Variants in PAN3 observed in about 807,000 individuals in gnomAD.
PAN3 encodes the protein poly(A) specific ribonuclease subunit PAN3, also known as PAN2-PAN3 deadenylation complex subunit PAN3.
PAN3 carries 19 observed loss-of-function variants against 96.2 expected under a neutral mutation model. That is an observed-to-expected ratio of 0.20 (90% CI 0.14 to 0.29). The LOEUF is 0.29. Among genes scored for constraint, PAN3 ranks in the 10% least tolerant of loss-of-function variants. PAN3 has a pLI of 1.00. For synonymous variants in PAN3, 433 were observed against 406.6 expected, an observed-to-expected ratio of 1.06 and a Z score of -0.78; for missense variants, 882 against 1,108.1, an observed-to-expected ratio of 0.80 and a Z score of 2.90.
At chr13:28,173,642 T>C (rs113162618) in intron 1 of PAN3, among the ~76,000 whole-genome samples, 2 of 152,310 alleles carry the variant, frequency 1.3e-5, no homozygotes, top group African/African-American at 2.4e-5. Context: ...GCCCATCTTA[T>C]TGTTAAACTA....
intron 1 of PAN3, among the ~76,000 whole-genome samples, chr13:28,146,009 C>CCT (rs1870579689): frequency 2.0e-5 from 3 of 152,048 alleles, no homozygotes; most frequent in Admixed American, 1.3e-4. Context: ...TTCAAGGCTG[C>CCT]CTCAGCCTCC....
rs1369875564 is a variant in PAN3 at position 28,139,045 on chromosome 13, G to A, written c.388G>A (p.Gly130Arg). ...CCCGGGGACCGGAGCCGCAGCCGGC[G>A]GAGGAGGCAGTAGCGGGGGACTCGA... The part of the protein sequence containing the change: ...GDPGTGAAAG[G>R]GGSSGGLDGP... The change falls in exon 1 of 19, where the codon GGA (glycine) becomes AGA (arginine). Residue 130 changes from glycine (G) to arginine (R), a missense_variant. By Grantham distance (125) the Gly-to-Arg change is moderately radical. Coordinates refer to ENST00000380958, the MANE Select transcript of PAN3 (RefSeq NM_175854.8). The A allele has an allele frequency of 3.9e-6, 5 of 1,277,256 alleles. No homozygotes were observed. The highest frequency in any genetic ancestry group is 4.9e-6 in the Non-Finnish European group (5 of 1,012,922). 79.1% of individuals were successfully genotyped at this position (1,277,256 alleles called of 1,614,324 possible).
Position 28,257,899 on chromosome 13 carries a change from G to A in PAN3, c.1248+1360G>A, listed in dbSNP as rs542726735. 1.2e-3 allele frequency among the ~76,000 whole-genome samples: 188 copies of A among 150,850 alleles called. 2 individuals carry two copies. The highest frequency in any genetic ancestry group is 4.4e-3 in the African/African-American group (181 of 41,018). ...TCAGTCTTTGTTCACTGCAGCCTCC[G>A]CCTCCTGGGTTCAAGCATTCCTCTC... On this transcript the variant is annotated intron_variant, in intron 7 of 18. Coordinates refer to ENST00000380958, the MANE Select transcript of PAN3 (RefSeq NM_175854.8).
In PAN3 at chr13:28,293,974, A is replaced by G. The variant is rs996971997; in HGVS notation, c.*1452A>G. On this transcript the variant is annotated 3_prime_UTR_variant, in exon 19 of 19. Coordinates refer to ENST00000380958, the MANE Select transcript of PAN3 (RefSeq NM_175854.8). ...CTTGCAACTGATGTTACTGTCTTCA[A>G]TTTTAATAATTACACATATTTGTAT... is the stretch of plus-strand genomic sequence containing the variant. 5 of 152,656 alleles carry G rather than the reference A, an allele frequency of 3.3e-5. No homozygotes were observed. The highest frequency in any genetic ancestry group is 6.5e-5 in the Admixed American group (1 of 15,282). The allele number at this position is 152,656 out of a possible 1,614,324, so 9.5% of individuals were successfully genotyped here.
Position 28,235,453 on chromosome 13 carries a change from C to G in PAN3, c.1000+15075C>G, listed in dbSNP as rs1181135122. 3.3e-5 allele frequency among the ~76,000 whole-genome samples: 5 copies of G among 152,198 alleles called. No individual in the cohort carries two copies. The East Asian group carries it at 9.7e-4, about 29-fold the overall frequency. ...TGTTCTTTAAGAATATGTATTTGAA[C>G]ATGGTCAGCCTTTTCCCCATCATCT... On this transcript the variant is annotated intron_variant, in intron 6 of 18. Coordinates refer to ENST00000380958, the MANE Select transcript of PAN3 (RefSeq NM_175854.8).
At chr13:28,284,938 C>T (rs1868794927) in intron 17 of PAN3, among the ~76,000 whole-genome samples, 1 of 152,104 alleles carries the variant, frequency 6.6e-6, no homozygotes, top group Admixed American at 6.5e-5. Flanking sequence ...ACTCTGGGAA[C>T]ATTTGTGATT....
chr13:28,139,481 A>T (rs933061205), intron 1 of PAN3, among the ~76,000 whole-genome samples: 3 of 127,242 alleles, frequency 2.4e-5, no homozygotes, highest in African/African-American at 9.3e-5. Flanking sequence ...GCGTCTGCAG[A>T]GTGTTGAGGT....
intron 4 of PAN3, among the ~76,000 whole-genome samples, chr13:28,196,609 A>G (rs745545544): frequency 6.6e-6 from 1 of 151,144 alleles, no homozygotes; most frequent in African/African-American, 2.4e-5. Flanking sequence ...GTGAATGCCT[A>G]TTTAAGATAG....
Position 28,139,142 on chromosome 13 carries a change from G to C in PAN3, c.430+55G>C, listed in dbSNP as rs1293804172. On this transcript the variant is annotated intron_variant, in intron 1 of 18. Transcript: ENST00000380958. ...GGCGGCGGAGGGCAGGCCTGGGCCG[G>C]ATGAGGCCCTGCTGCCGACGGGAGC... 4 of 1,257,242 alleles carry C rather than the reference G, an allele frequency of 3.2e-6. No homozygotes were observed. In the African/African-American group the frequency reaches 6.2e-5, roughly 20 times the overall value. 77.9% of individuals were successfully genotyped at this position (1,257,242 alleles called of 1,614,324 possible).
At chr13:28,218,816 G>A (rs369463710) in intron 5 of PAN3, among the ~76,000 whole-genome samples, 2 of 152,128 alleles carry the variant, frequency 1.3e-5, no homozygotes, top group East Asian at 3.8e-4. Flanking sequence ...TTCATATTGT[G>A]TATTATTTTC....
At chr13:28,187,949 C>G (rs1246233410) in intron 4 of PAN3, among the ~76,000 whole-genome samples, 1 of 152,202 alleles carries the variant, frequency 6.6e-6, no homozygotes, top group Non-Finnish European at 1.5e-5. Flanking sequence ...CTGTGTCAGC[C>G]TCCCAAAGTG....
Position 28,288,858 on chromosome 13 carries a change from T to TCTTG in PAN3, c.2523+738_2523+739insTGCT, listed in dbSNP as rs1555295706. ...TTTTTTTTTTTTTTTTGAGACGGAG[T>TCTTG]CTCTGTCACCCAGGCTGGAGTGCAG... On this transcript the variant is annotated intron_variant, in intron 18 of 18. Coordinates refer to ENST00000380958, the MANE Select transcript of PAN3 (RefSeq NM_175854.8). Among the ~76,000 whole-genome samples the TCTTG allele has an allele frequency of 1.6e-3, 227 of 138,234 alleles. 4 individuals are homozygous for TCTTG. Among genetic ancestry groups the TCTTG allele is most frequent in the African/African-American group, 5.9e-3 (214 of 36,204 alleles). 90.7% of individuals were successfully genotyped at this position (138,234 alleles called of 152,430 possible).
At chr13:28,162,846 A>G (rs1218217945) in intron 1 of PAN3, among the ~76,000 whole-genome samples, 2 of 151,792 alleles carry the variant, frequency 1.3e-5, no homozygotes, top group East Asian at 1.9e-4. Context: ...TTTCTCAAAA[A>G]TAACAACTTG....
intron 17 of PAN3, among the ~76,000 whole-genome samples, chr13:28,281,849 C>T (rs1229034426): frequency 6.7e-6 from 1 of 149,924 alleles, no homozygotes; most frequent in Non-Finnish European, 1.5e-5. Context: ...CGGCTGACTG[C>T]AACCTCTGCC....
In PAN3 at chr13:28,138,629, G is replaced by C. The variant is rs1593333404; in HGVS notation, c.-29G>C. 4.1e-6 allele frequency: 2 copies of C among 493,644 alleles called. No homozygotes were observed. Among genetic ancestry groups the C allele is most frequent in the South Asian group, 4.0e-5 (1 of 24,822 alleles). 30.6% of individuals were successfully genotyped at this position (493,644 alleles called of 1,614,324 possible). The stretch of plus-strand genomic sequence containing the variant: ...GGTGGCGGCGGCGGCTCCTCGGGCG[G>C]CGGCGGAAGACGAGGCTGCGGCGTT... On this transcript the variant is annotated 5_prime_UTR_variant, in exon 1 of 19. Coordinates refer to ENST00000380958, the MANE Select transcript of PAN3 (RefSeq NM_175854.8).
At chr13:28,263,029 T>TA (rs1566240733) in intron 9 of PAN3, among the ~76,000 whole-genome samples, 1 of 152,236 alleles carries the variant, frequency 6.6e-6, no homozygotes, top group Non-Finnish European at 1.5e-5. Flanking sequence ...AGTCAAAGCA[T>TA]AACTTCCAGT....
chr13:28,139,382 G>A (rs1869303442), intron 1 of PAN3, among the ~76,000 whole-genome samples: 1 of 150,550 alleles, frequency 6.6e-6, no homozygotes, highest in African/African-American at 2.4e-5. Context: ...TGTGGCGTGC[G>A]GAGTGTGAGA....
intron 6 of PAN3, among the ~76,000 whole-genome samples, chr13:28,244,336 C>T (rs1418686468): frequency 1.3e-5 from 2 of 152,098 alleles, no homozygotes; most frequent in East Asian, 3.8e-4. Flanking sequence ...TTATTTTAAA[C>T]TCTTAAATAT....
At chr13:28,229,740 T>C (rs1258391530) in intron 6 of PAN3, among the ~76,000 whole-genome samples, 1 of 152,230 alleles carries the variant, frequency 6.6e-6, no homozygotes, top group Non-Finnish European at 1.5e-5. Context: ...AATTCTGTTG[T>C]GCTGTTTGTG....
Sources: gnomAD v4.1 joint callset for allele counts (sites outside exome capture counted in the v4.1 genomes callset) on GRCh38, gnomAD v4.1.1 for gene constraint, MANE v1.5 for transcripts, NCBI Gene and HGNC (gene_info 2026-07-23, HGNC 2026-07-21) for gene names.